PALM2AKAP2: variants seen among roughly 807,000 people sequenced by gnomAD.
PALM2AKAP2 encodes PALM2 and AKAP2 fusion.
PALM2AKAP2 carries 37 observed loss-of-function variants against 71.5 expected under a neutral mutation model. That is an observed-to-expected ratio of 0.52 (90% CI 0.40 to 0.68). The LOEUF is 0.68. PALM2AKAP2 is among the 30% of genes least tolerant of loss of function. The probability of loss-of-function intolerance (pLI) is 0.00; values close to 1 mark genes in which losing one functional copy is unlikely to be tolerated. For missense variants in PALM2AKAP2, 1,224 were observed against 1,191.8 expected (o/e 1.03, Z -0.40); for synonymous variants, 468 against 478.8 (o/e 0.98, Z 0.29).
At chr9:109,988,436 A>T (rs1832417195) in intron 6 of PALM2AKAP2, among the ~76,000 whole-genome samples, 1 of 152,142 alleles carries the variant, frequency 6.6e-6, no homozygotes, top group Admixed American at 6.5e-5. Flanking sequence ...ATATCTACTA[A>T]ATAAGCCAAC....
intron 1 of PALM2AKAP2, among the ~76,000 whole-genome samples, chr9:109,737,239 C>T (rs577251602): frequency 2.4e-4 from 37 of 152,342 alleles, no homozygotes; most frequent in Admixed American, 1.3e-3. Flanking sequence ...AATGTGAGCA[C>T]CAGTGGTCAG....
rs115796475 is a variant in PALM2AKAP2, at chr9:109,646,850, A to C, written c.5+5984A>C. ...TGCTGAATCAGTCTTCTGATGACAC[A>C]AAATGTGGCATTTCGTGTGCTCAGC... On this transcript the variant is annotated intron_variant, in intron 1 of 6. Transcript: ENST00000374531. Among the ~76,000 whole-genome samples, 1,173 of 152,338 alleles carry C rather than the reference A, an allele frequency of 7.7e-3. 15 individuals carry two copies. Among genetic ancestry groups the C allele is most frequent in the African/African-American group, 0.027 (1,119 of 41,576 alleles).
intron 6 of PALM2AKAP2, among the ~76,000 whole-genome samples, chr9:109,969,585 G>A (rs1832026936): frequency 6.6e-6 from 1 of 152,194 alleles, no homozygotes; most frequent in Non-Finnish European, 1.5e-5. Flanking sequence ...TGCTCATCTT[G>A]GGGAAGGCCC....
chr9:109,878,412 A>G (rs144195688), intron 2 of PALM2AKAP2, among the ~76,000 whole-genome samples: 138 of 152,310 alleles, frequency 9.1e-4, no homozygotes, highest in African/African-American at 3.2e-3. Context: ...GAACAAACTC[A>G]AGTCTTTAAG....
chr9:110,136,730 G>C (rs2119103728), exon 2 of PALM2AKAP2: 1 of 1,614,188 alleles, frequency 6.2e-7, no homozygotes. Flanking sequence ...TTCTTCCCGA[G>C]ATGGAGAGTT....
intron 7 of PALM2AKAP2, among the ~76,000 whole-genome samples, chr9:110,035,291 C>CATATTACATACATATGTATT (rs1833363975): frequency 9.1e-6 from 1 of 109,480 alleles, no homozygotes; most frequent in Non-Finnish European, 1.7e-5. Context: ...ACATATTGTA[C>CATATTACATACATATGTATT]ATATGTATAA....
At chr9:109,890,165 C>A (rs1401660021) in intron 3 of PALM2AKAP2, among the ~76,000 whole-genome samples, 1 of 152,220 alleles carries the variant, frequency 6.6e-6, no homozygotes, top group African/African-American at 2.4e-5. Flanking sequence ...ATTTTGAAGG[C>A]AGCAGACAAG....
At chr9:110,059,381 A>C (rs961299386) in intron 1 of PALM2AKAP2, among the ~76,000 whole-genome samples, 1 of 152,088 alleles carries the variant, frequency 6.6e-6, no homozygotes, top group African/African-American at 2.4e-5. Flanking sequence ...TTGTTGTTCT[A>C]TTATGTCCTC....
intron 1 of PALM2AKAP2, among the ~76,000 whole-genome samples, chr9:110,117,084 T>C (rs1406387358): frequency 2.0e-5 from 3 of 152,166 alleles, no homozygotes; most frequent in African/African-American, 7.2e-5. Context: ...TGCTCAGTCA[T>C]ATGCATCTTT....
chr9:109,813,636 CT>C (rs913659817), intron 1 of PALM2AKAP2, among the ~76,000 whole-genome samples: 3 of 152,058 alleles, frequency 2.0e-5, no homozygotes, highest in Admixed American at 6.6e-5. Flanking sequence ...CTTGATGGCT[CT>C]TTTCTGTCTG....
chr9:109,992,950 T>TAG lies in PALM2AKAP2; in HGVS notation c.497-23003_497-23002insGA, dbSNP rs1191786127. On this transcript the variant is annotated intron_variant, in intron 6 of 9. Coordinates refer to the PALM2AKAP2 transcript ENST00000302798. ...AAATTCATATATATGTATATATATATATATAGAGAGAGAGAGAGAGAGAGA... is the reference window on the plus strand; with the variant it reads ...AAATTCATATATATGTATATATATATAGATATAGAGAGAGAGAGAGAGAGAGA... Among the ~76,000 whole-genome samples the TAG allele has an allele frequency of 6.5e-3, 924 of 142,682 alleles. 19 individuals are homozygous for TAG. Among genetic ancestry groups the TAG allele is most frequent in the Admixed American group, 0.043 (594 of 13,874 alleles). The allele number at this position is 142,682 out of a possible 152,430, so 93.6% of individuals were successfully genotyped here.
intron 6 of PALM2AKAP2, among the ~76,000 whole-genome samples, chr9:109,936,729 A>G (rs1165040267): frequency 1.3e-5 from 2 of 152,246 alleles, no homozygotes; most frequent in African/African-American, 4.8e-5. Flanking sequence ...AAATCTGGAT[A>G]ACTTTCATTG....
chr9:109,853,735 A>G (rs1309149191), intron 1 of PALM2AKAP2, among the ~76,000 whole-genome samples: 1 of 152,244 alleles, frequency 6.6e-6, no homozygotes, highest in African/African-American at 2.4e-5. Flanking sequence ...CTCTAGAAAG[A>G]TTCTACCACC....
chr9:109,825,193 C>G (rs1828113597), intron 1 of PALM2AKAP2, among the ~76,000 whole-genome samples: 1 of 152,148 alleles, frequency 6.6e-6, no homozygotes, highest in Non-Finnish European at 1.5e-5. Context: ...CTCCTTACAC[C>G]TTATACAAAA....
exon 2 of PALM2AKAP2, chr9:110,136,739 T>C (rs1328333005): frequency 6.2e-7 from 1 of 1,613,764 alleles, no homozygotes; most frequent in East Asian, 2.2e-5. Context: ...AGATGGAGAG[T>C]TCACTCTCAC....
rs147493072 is a variant in PALM2AKAP2 at position 109,798,103 on chromosome 9, A to T, written c.45+17570A>T. On this transcript the variant is annotated intron_variant, in intron 1 of 9. Transcript: ENST00000302798. ...CCAGGCCTCTCTCCTGGACTTGGGGATGGCCAGCTTCTCCCTATGTCTCTT... is the reference window on the plus strand; with the variant it reads ...CCAGGCCTCTCTCCTGGACTTGGGGTTGGCCAGCTTCTCCCTATGTCTCTT... Among the ~76,000 whole-genome samples the T allele has an allele frequency of 7.6e-4, 115 of 152,232 alleles. 2 individuals carry two copies. Among genetic ancestry groups the T allele is most frequent in the African/African-American group, 2.6e-3 (109 of 41,532 alleles).
At chr9:110,014,801 AAAATGTATAT>A (rs1430966916) in intron 6 of PALM2AKAP2, among the ~76,000 whole-genome samples, 429 of 41,234 alleles carry the variant, frequency 0.01, 36 homozygotes, top group African/African-American at 0.041. Context: ...AAAAAAAAAA[AAAATGTATAT>A]ATATATATAT....
chr9:109,741,231 A>T (rs1828711998), intron 1 of PALM2AKAP2, among the ~76,000 whole-genome samples: 1 of 152,108 alleles, frequency 6.6e-6, no homozygotes, highest in Non-Finnish European at 1.5e-5. Context: ...CATGCTTTTG[A>T]GTCTGGGTTT....
chr9:109,873,575 A>C (rs940921628), intron 2 of PALM2AKAP2, among the ~76,000 whole-genome samples: 1 of 152,356 alleles, frequency 6.6e-6, no homozygotes, highest in Middle Eastern at 3.4e-3. Flanking sequence ...TGAATGAAAG[A>C]TCCAGAGTAA....
Sources: allele counts gnomAD v4.1 joint callset (sites outside exome capture counted in the v4.1 genomes callset), GRCh38; gene constraint gnomAD v4.1.1; transcripts MANE v1.5; gene names NCBI Gene and HGNC (gene_info 2026-07-23, HGNC 2026-07-21).